Variants in TNIP3 observed in about 807,000 individuals in gnomAD.
TNIP3 encodes TNFAIP3-interacting protein 3.
A neutral mutation model predicts 54.1 loss-of-function variants in TNIP3; 34 were observed. The ratio of observed to expected loss-of-function variants is 0.63; its 90% confidence interval spans 0.48 to 0.84. The LOEUF (loss-of-function observed/expected upper bound fraction) is 0.84. TNIP3 is among the 40% of genes least tolerant of loss of function. TNIP3 has a pLI of 0.00. For missense variants in TNIP3, 366 were observed against 387.6 expected, an observed-to-expected ratio of 0.94 and a Z score of 0.47; for synonymous variants, 134 against 136.8, an observed-to-expected ratio of 0.98 and a Z score of 0.14.
chr4:121,157,230 T>A lies in TNIP3; in HGVS notation c.227A>T (p.Lys76Met). 2.5e-6 allele frequency: 4 copies of A among 1,614,138 alleles called. No individual in the cohort carries two copies. Among genetic ancestry groups the A allele is most frequent in the Non-Finnish European group, 3.4e-6 (4 of 1,180,022 alleles). Residue 76 changes from lysine to methionine, a missense_variant, in exon 4 of 11, where the codon AAG (lysine) becomes ATG (methionine). Physicochemically the swap from Lys to Met is moderately conservative, Grantham distance 95. Transcript: ENST00000057513. The part of the protein sequence containing the change: ...ELYERKVAEL[K>M]TKLDAAERFL... Reference sequence around the variant, plus strand: ...TCTTTCCGCGGCGTCCAGTTTCGTCTTCAGCTCTGCTACCTGAGGAGGTCG... The same window carrying A: ...TCTTTCCGCGGCGTCCAGTTTCGTCATCAGCTCTGCTACCTGAGGAGGTCG...
upstream of TNIP3, among the ~76,000 whole-genome samples, chr4:121,221,232 C>A (rs1268905192): frequency 6.6e-6 from 1 of 152,060 alleles, no homozygotes; most frequent in Non-Finnish European, 1.5e-5. Flanking sequence ...CTAATAATAT[C>A]TTTAATATTC....
intron 10 of TNIP3, among the ~76,000 whole-genome samples, chr4:121,136,163 A>G (rs1172390580): frequency 6.6e-6 from 1 of 152,202 alleles, no homozygotes; most frequent in Non-Finnish European, 1.5e-5. Context: ...TTACACACTT[A>G]ATCTTACATA....
Position 121,157,242 on chromosome 4 carries a change from A to G in TNIP3, c.215T>C (p.Val72Ala). The change falls in exon 4 of 11, where the codon GTA becomes GCA. Residue 72 changes from valine (V) to alanine (A), a missense_variant and splice_region_variant. Transcript: ENST00000057513. The part of the protein sequence containing the change: ...RSMKELYERK[V>A]AELKTKLDAA... ...GTCCAGTTTCGTCTTCAGCTCTGCTACCTGAGGAGGTCGTTCAAAGACAGC... is the reference window on the plus strand; with the variant it reads ...GTCCAGTTTCGTCTTCAGCTCTGCTGCCTGAGGAGGTCGTTCAAAGACAGC... The G allele has an allele frequency of 1.2e-6, 2 of 1,614,024 alleles. No homozygotes were observed. Among genetic ancestry groups the G allele is most frequent in the East Asian group, 2.2e-5 (1 of 44,868 alleles).
intron 2 of TNIP3, among the ~76,000 whole-genome samples, chr4:121,160,405 G>A (rs1372627212): frequency 6.6e-6 from 1 of 151,968 alleles, no homozygotes; most frequent in African/African-American, 2.4e-5. Context: ...CTTGAACCCT[G>A]GAGGCAGAGG....
At chr4:121,205,997 C>G (rs1372231393) in intron 2 of TNIP3, among the ~76,000 whole-genome samples, 1 of 152,030 alleles carries the variant, frequency 6.6e-6, no homozygotes, top group Non-Finnish European at 1.5e-5. Flanking sequence ...GGGGGAAGTC[C>G]CCTTGTAAAA....
upstream of TNIP3, among the ~76,000 whole-genome samples, chr4:121,164,676 G>A (rs927263985): frequency 5.3e-5 from 8 of 152,300 alleles, no homozygotes; most frequent in East Asian, 5.8e-4. Flanking sequence ...AGAACTTAAT[G>A]AGTCATACAT....
At chr4:121,138,888 G>T (rs1396454673) in intron 9 of TNIP3, among the ~76,000 whole-genome samples, 1 of 151,838 alleles carries the variant, frequency 6.6e-6, no homozygotes, top group Non-Finnish European at 1.5e-5. Flanking sequence ...TCCACTCTGT[G>T]TTTGGCCAGA....
intron 2 of TNIP3, chr4:121,182,828 T>C: frequency 2.6e-6 from 4 of 1,532,234 alleles, no homozygotes; most frequent in Admixed American, 2.0e-5. Context: ...AGTTACATTA[T>C]ACAAAGGTAA....
chr4:121,141,755 A>G, intron 9 of TNIP3, 61 bp downstream of exon 9: 1 of 1,116,824 alleles, frequency 9.0e-7, no homozygotes, highest in Non-Finnish European at 1.2e-6. Context: ...AATTCCAGAG[A>G]TGCACATAAT....
chr4:121,173,088 A>C (rs1404019499), intron 3 of TNIP3, among the ~76,000 whole-genome samples: 2 of 152,190 alleles, frequency 1.3e-5, no homozygotes, highest in Admixed American at 1.3e-4. Flanking sequence ...CCCATATCAG[A>C]GCTCATTTAG....
At chr4:121,151,651 A>G (rs1579394098) in intron 5 of TNIP3, among the ~76,000 whole-genome samples, 1 of 152,090 alleles carries the variant, frequency 6.6e-6, no homozygotes, top group East Asian at 1.9e-4. Flanking sequence ...GGTGGGCCAA[A>G]TGGATTATGG....
At chr4:121,171,749 G>C (rs1389655011) in intron 3 of TNIP3, among the ~76,000 whole-genome samples, 1 of 152,082 alleles carries the variant, frequency 6.6e-6, no homozygotes, top group Non-Finnish European at 1.5e-5. Context: ...TTTTGTTTTT[G>C]AGATGGAGTC....
intron 2 of TNIP3, among the ~76,000 whole-genome samples, chr4:121,191,324 C>A (rs1725297374): frequency 6.6e-6 from 1 of 152,132 alleles, no homozygotes; most frequent in Non-Finnish European, 1.5e-5. Flanking sequence ...AATGCTTTTG[C>A]ACCATTGTTC....
chr4:121,134,378 TA>T (rs1490187236), intron 10 of TNIP3, among the ~76,000 whole-genome samples: 2 of 152,238 alleles, frequency 1.3e-5, no homozygotes, highest in Non-Finnish European at 2.9e-5. Context: ...CTAACTCTGT[TA>T]TGACATAATT....
Position 121,141,901 on chromosome 4 carries a change from G to C in TNIP3, c.800C>G (p.Pro267Arg). The C allele has an allele frequency of 1.3e-6, 2 of 1,597,960 alleles. No homozygotes were observed. Among genetic ancestry groups the C allele is most frequent in the South Asian group, 2.3e-5 (2 of 88,538 alleles). Residue 267 changes from proline (P) to arginine (R), a missense_variant, in exon 9 of 11, where the codon CCC becomes CGC. Pro to Arg is a moderately radical substitution (Grantham distance 103). Coordinates refer to ENST00000057513, the MANE Select transcript of TNIP3 (RefSeq NM_024873.6). The stretch of plus-strand genomic sequence containing the variant: ...GTGGAAAACCAAGCCGCAGTTACAG[G>C]GTGGGCAATACATCTGAGGAGAACA... ...EKQLKQMYCP[P>R]CNCGLVFHLQ...
chr4:121,176,180 G>C (rs1413463853), intron 3 of TNIP3, among the ~76,000 whole-genome samples: 2 of 152,190 alleles, frequency 1.3e-5, no homozygotes, highest in Non-Finnish European at 2.9e-5. Context: ...ACAGATAAAA[G>C]AAAGATGCAT....
At chr4:121,180,645 C>T (rs1441431946) in intron 3 of TNIP3, among the ~76,000 whole-genome samples, 4 of 151,970 alleles carry the variant, frequency 2.6e-5, no homozygotes, top group African/African-American at 7.3e-5. Flanking sequence ...GATGGGGTCT[C>T]GTATATGTTT....
At chr4:121,171,743 G>A (rs886793269) in intron 3 of TNIP3, among the ~76,000 whole-genome samples, 4 of 151,914 alleles carry the variant, frequency 2.6e-5, no homozygotes, top group African/African-American at 4.8e-5. Flanking sequence ...GTTTTGTTTT[G>A]TTTTTGAGAT....
At chr4:121,156,993 T>C in intron 4 of TNIP3, 101 bp downstream of exon 4, 1 of 1,493,634 alleles carries the variant, frequency 6.7e-7, no homozygotes. Context: ...TGCTCAGTAG[T>C]GAGTTGATTT....
Sources: gnomAD v4.1 joint callset for allele counts (sites outside exome capture counted in the v4.1 genomes callset) on GRCh38, gnomAD v4.1.1 for gene constraint, MANE v1.5 for transcripts, NCBI Gene and HGNC (gene_info 2026-07-23, HGNC 2026-07-21) for gene names.